Variants in SCAMP2 observed in about 807,000 individuals in gnomAD.
SCAMP2 encodes the protein secretory carrier membrane protein 2, also known as secretory carrier-associated membrane protein 2.
SCAMP2 carries 25 observed loss-of-function variants against 44.1 expected under a neutral mutation model. That is an observed-to-expected ratio of 0.57 (90% CI 0.41 to 0.79). SCAMP2 has a LOEUF of 0.79. SCAMP2 is among the 30% of genes least tolerant of loss of function. SCAMP2 has a pLI of 0.00. For missense variants in SCAMP2, 355 were observed against 411.0 expected, an observed-to-expected ratio of 0.86 and a Z score of 1.18; for synonymous variants, 156 against 166.0, an observed-to-expected ratio of 0.94 and a Z score of 0.46.
At chr15:74,869,980 G>A (rs889037474) in intron 1 of SCAMP2, among the ~76,000 whole-genome samples, 6 of 152,182 alleles carry the variant, frequency 3.9e-5, no homozygotes, top group Admixed American at 1.3e-4. Flanking sequence ...AGGAAAAGGT[G>A]GGCAGCTCTG....
chr15:74,851,786 C>G (rs148906225), intron 4 of SCAMP2: 2 of 452,664 alleles, frequency 4.4e-6, no homozygotes, highest in Non-Finnish European at 7.8e-6. Flanking sequence ...AGTTCATCAT[C>G]ATTAGCAAGG....
At chr15:74,866,871 G>A (rs925575494) in intron 1 of SCAMP2, among the ~76,000 whole-genome samples, 11 of 150,014 alleles carry the variant, frequency 7.3e-5, no homozygotes, top group South Asian at 2.1e-4. Flanking sequence ...ATCTCGGCTC[G>A]CTGCAACCTC....
At chr15:74,854,471 G>T in intron 2 of SCAMP2, 110 bp downstream of exon 2, 2 of 912,024 alleles carry the variant, frequency 2.2e-6, no homozygotes, top group South Asian at 1.4e-5. Flanking sequence ...TCCCTTTGAG[G>T]ACTGCCGCTT....
intron 1 of SCAMP2, among the ~76,000 whole-genome samples, chr15:74,863,621 G>T (rs1255127353): frequency 6.6e-6 from 1 of 152,120 alleles, no homozygotes; most frequent in African/African-American, 2.4e-5. Context: ...ACCTGGCCGG[G>T]CATTCAAGGC....
chr15:74,848,704 G>A lies in SCAMP2; in HGVS notation c.633-3C>T. On this transcript the variant is annotated splice_region_variant and splice_polypyrimidine_tract_variant and intron_variant, in intron 6 of 8. Coordinates refer to ENST00000268099, the MANE Select transcript of SCAMP2 (RefSeq NM_005697.5). ...AGAAGCTGAAAGAGTTGTCGGACCTGTGGAGAGAGAGGGAAATAAGTCACA... is the reference window on the plus strand; with the variant it reads ...AGAAGCTGAAAGAGTTGTCGGACCTATGGAGAGAGAGGGAAATAAGTCACA... 6.2e-7 allele frequency: 1 copy of A among 1,607,470 alleles called. No individual in the cohort carries two copies. Among genetic ancestry groups the A allele is most frequent in the Non-Finnish European group, 8.5e-7 (1 of 1,174,322 alleles).
At chr15:74,861,584 G>A (rs373295317) in intron 1 of SCAMP2, among the ~76,000 whole-genome samples, 1 of 152,292 alleles carries the variant, frequency 6.6e-6, no homozygotes, top group East Asian at 1.9e-4. Context: ...TCACAGCTAT[G>A]AAGATGGTGC....
chr15:74,865,502 G>C (rs536583622), intron 1 of SCAMP2, among the ~76,000 whole-genome samples: 2 of 152,112 alleles, frequency 1.3e-5, no homozygotes, highest in Admixed American at 6.6e-5. Context: ...GAGGATCCGA[G>C]AAGATATTGA....
chr15:74,863,825 G>A (rs2064524620), intron 1 of SCAMP2, among the ~76,000 whole-genome samples: 1 of 152,180 alleles, frequency 6.6e-6, no homozygotes, highest in African/African-American at 2.4e-5. Flanking sequence ...CAGAAGCCAG[G>A]GCAAGAGGTG....
chr15:74,846,900 C>A (rs2064403151), intron 7 of SCAMP2, among the ~76,000 whole-genome samples: 1 of 152,098 alleles, frequency 6.6e-6, no homozygotes, highest in South Asian at 2.1e-4. Context: ...CTTGCTGTCA[C>A]CTGTCTGAGC....
chr15:74,869,043 A>C lies in SCAMP2; in HGVS notation c.57+4156T>G, dbSNP rs540116496. 2.0e-5 allele frequency among the ~76,000 whole-genome samples: 3 copies of C among 152,196 alleles called. No individual in the cohort carries two copies. The East Asian group carries it at 5.8e-4, about 30-fold the overall frequency. On this transcript the variant is annotated intron_variant, in intron 1 of 8. Coordinates refer to ENST00000268099, the MANE Select transcript of SCAMP2 (RefSeq NM_005697.5). ...GTGGTGGGTGCCTGTAATCCTACCT[A>C]CTCAGGAGGCTGAGGCAGGAGAATC...
intron 2 of SCAMP2, 85 bp from the exon 3 acceptor site, chr15:74,854,204 T>A: frequency 8.2e-7 from 1 of 1,212,424 alleles, no homozygotes; most frequent in Non-Finnish European, 1.2e-6. Context: ...GGATGAGTGA[T>A]GTGCCCCTGC....
intron 3 of SCAMP2, chr15:74,853,127 G>A (rs2064445877): frequency 3.4e-6 from 1 of 296,058 alleles, no homozygotes; most frequent in African/African-American, 2.2e-5. Context: ...TTCAGGCACT[G>A]GGGGCGGAAG....
intron 1 of SCAMP2, among the ~76,000 whole-genome samples, chr15:74,860,622 G>A (rs2141177888): frequency 6.7e-6 from 1 of 149,710 alleles, no homozygotes; most frequent in South Asian, 2.1e-4. Flanking sequence ...GGGAGGCGGA[G>A]GTTGCAGTGA....
Position 74,845,202 on chromosome 15 carries a change from G to C in SCAMP2, c.871C>G (p.Arg291Gly), listed in dbSNP as rs769235979. The part of the protein sequence containing the change: ...FLLQRVHSLY[R>G]RTGASFQQAQ... ...TGCTGGAAGCTGGCCCCTGTCCGTC[G>C]GTAGAGGGAGTGCACCTGGCGAAGA... Residue 291 changes from arginine to glycine, a missense_variant, in exon 9 of 9, where the codon CGA becomes GGA. Physicochemically the swap from Arg to Gly is moderately radical, Grantham distance 125. Transcript: ENST00000268099. 1 of 1,613,134 alleles carries C rather than the reference G, an allele frequency of 6.2e-7. No individual in the cohort carries two copies. The highest frequency in any genetic ancestry group is 1.3e-5 in the African/African-American group (1 of 74,910).
intron 1 of SCAMP2, among the ~76,000 whole-genome samples, chr15:74,860,384 T>C (rs2064495389): frequency 6.7e-6 from 1 of 148,688 alleles, no homozygotes; most frequent in Non-Finnish European, 1.5e-5. Flanking sequence ...TGAAACCCCA[T>C]CTCTATTAAA....
At chr15:74,853,780 G>A (rs1269660333) in intron 3 of SCAMP2, 5 of 564,368 alleles carry the variant, frequency 8.9e-6, no homozygotes, top group East Asian at 3.0e-5. Flanking sequence ...CGAGGAGCCC[G>A]GCCTGGTGAG....
rs1168742235 is a variant in SCAMP2, at chr15:74,844,966, G to A, written c.*117C>T. The A allele has an allele frequency of 1.4e-5, 17 of 1,241,302 alleles. No homozygotes were observed. The highest frequency in any genetic ancestry group is 7.0e-5 in the Admixed American group (3 of 42,934). 76.9% of individuals were successfully genotyped at this position (1,241,302 alleles called of 1,614,324 possible). On this transcript the variant is annotated 3_prime_UTR_variant, in exon 9 of 9. Transcript: ENST00000268099. ...TCGCTGAGGGAGGAGGAAGAGCCAC[G>A]GCAAGAACCCTGCCAGGTCTGTGCT...
At chr15:74,857,206 C>T (rs2064474015) in intron 1 of SCAMP2, among the ~76,000 whole-genome samples, 1 of 152,198 alleles carries the variant, frequency 6.6e-6, no homozygotes, top group Non-Finnish European at 1.5e-5. Context: ...ACAGCCTCCA[C>T]CCCTTCCAAC....
At position 74,873,280 on chromosome 15, in the gene SCAMP2, C is replaced by T; in HGVS notation, c.-25G>A. 3.4e-6 allele frequency: 5 copies of T among 1,478,076 alleles called. No individual in the cohort carries two copies. The highest frequency in any genetic ancestry group is 3.0e-5 in the East Asian group (1 of 33,746). The allele number at this position is 1,478,076 out of a possible 1,614,324, so 91.6% of individuals were successfully genotyped here. On this transcript the variant is annotated 5_prime_UTR_variant, in exon 1 of 9. Coordinates refer to ENST00000268099, the MANE Select transcript of SCAMP2 (RefSeq NM_005697.5). ...TGGTGATCGGGGGCCAGCGGGCGAACTCCGCGAACGCTGCTGCCTCCGGGC... is the reference window on the plus strand; with the variant it reads ...TGGTGATCGGGGGCCAGCGGGCGAATTCCGCGAACGCTGCTGCCTCCGGGC...
Sources: gnomAD v4.1 joint callset for allele counts (sites outside exome capture counted in the v4.1 genomes callset) on GRCh38, gnomAD v4.1.1 for gene constraint, MANE v1.5 for transcripts, NCBI Gene and HGNC (gene_info 2026-07-23, HGNC 2026-07-21) for gene names.